PPM1B: variants seen among roughly 807,000 people sequenced by gnomAD.
PPM1B encodes protein phosphatase, Mg2+/Mn2+ dependent 1B, also known as protein phosphatase 1B.
Under a neutral mutation model 43.0 loss-of-function variants are expected in PPM1B, and 22 were observed. The ratio of observed to expected loss-of-function variants is 0.51; its 90% CI spans 0.37 to 0.73. The LOEUF is 0.73. PPM1B is among the 30% of genes least tolerant of loss of function. The pLI, the probability that PPM1B is intolerant of heterozygous loss-of-function variation, is 0.00. For synonymous variants in PPM1B, 217 were observed against 197.9 expected (o/e 1.10, Z -0.81); for missense variants, 632 against 584.2 (o/e 1.08, Z -0.84).
Position 44,223,814 on chromosome 2 carries a change from TAAAAAAAA to T in PPM1B, c.1134+5300_1134+5307del, listed in dbSNP as rs58530902. On this transcript the variant is annotated intron_variant, in intron 5 of 5. Coordinates refer to ENST00000282412, the MANE Select transcript of PPM1B (RefSeq NM_002706.6). ...CTGGGCAACAGAGTGGGACTCTGTC[TAAAAAAAA>T]AAAAAAAAAAAAAAAAAAAAAAGAG... is the stretch of plus-strand genomic sequence containing the variant. 2.5e-3 allele frequency among the ~76,000 whole-genome samples: 89 copies of T among 36,056 alleles called. 1 individual carries two copies. In the South Asian group the frequency reaches 0.025, roughly 10 times the overall value. The allele number at this position is 36,056 out of a possible 152,430, so 23.7% of individuals were successfully genotyped here.
chr2:44,240,313 T>A (rs914306785), intron 5 of PPM1B, among the ~76,000 whole-genome samples: 20 of 146,454 alleles, frequency 1.4e-4, no homozygotes, highest in African/African-American at 3.2e-4. Flanking sequence ...ACATTTACAT[T>A]TTTAATTGTA....
At chr2:44,224,991 A>T (rs886410160) in intron 5 of PPM1B, among the ~76,000 whole-genome samples, 1 of 152,200 alleles carries the variant, frequency 6.6e-6, no homozygotes, top group Non-Finnish European at 1.5e-5. Context: ...AACAGAGCGC[A>T]AAGATAGACA....
At chr2:44,243,162 C>T (rs1558439596) in intron 5 of PPM1B, among the ~76,000 whole-genome samples, 1 of 152,186 alleles carries the variant, frequency 6.6e-6, no homozygotes, top group Non-Finnish European at 1.5e-5. Context: ...GCTTTCTACT[C>T]ACTATGATTG....
downstream of PPM1B, chr2:44,233,233 A>C (rs568744147): frequency 1.1e-6 from 1 of 899,880 alleles, no homozygotes; most frequent in Non-Finnish European, 1.3e-6. Flanking sequence ...ATGTTATTTT[A>C]AAAGCTCAGA....
In PPM1B at chr2:44,230,869, A is replaced by G; in HGVS notation, c.*151A>G. The G allele has an allele frequency of 7.1e-7, 1 of 1,403,194 alleles. No individual in the cohort carries two copies. The highest frequency in any genetic ancestry group is 9.4e-7 in the Non-Finnish European group (1 of 1,067,174). 86.9% of individuals were successfully genotyped at this position (1,403,194 alleles called of 1,614,324 possible). ...CCTTGTTTTTTAAAAAGGCCTTTGC[A>G]TACACCTTTATGAGATAGTGTAAAA... On this transcript the variant is annotated 3_prime_UTR_variant, in exon 6 of 6. Transcript: ENST00000282412.
At position 44,179,370 on chromosome 2, in the gene PPM1B, A is replaced by G. The variant is rs907651506; in HGVS notation, c.-15+10096A>G. Among the ~76,000 whole-genome samples the G allele has an allele frequency of 5.3e-5, 8 of 152,178 alleles. No individual in the cohort carries two copies. In the South Asian group the frequency reaches 1.7e-3, roughly 31 times the overall value. ...CATTGTGTATTTTACACTTACAGCA[A>G]ATCTCTATTAGCATTAGCCTCATTT... On this transcript the variant is annotated intron_variant, in intron 1 of 5. Transcript: ENST00000282412.
rs566617125 is a variant in PPM1B at position 44,214,368 on chromosome 2, C to A, written c.965-3599C>A. 3.3e-5 allele frequency among the ~76,000 whole-genome samples: 5 copies of A among 152,076 alleles called. No individual in the cohort carries two copies. The South Asian group carries it at 1.0e-3, about 32-fold the overall frequency. ...ACAGGCGTGAGCCACTGCGCCCGAC[C>A]CCATAGAGTTTTTTTTTTTCTTAAA... On this transcript the variant is annotated intron_variant, in intron 3 of 5. Coordinates refer to ENST00000282412, the MANE Select transcript of PPM1B (RefSeq NM_002706.6).
intron 1 of PPM1B, among the ~76,000 whole-genome samples, chr2:44,177,129 C>T (rs1667617994): frequency 6.6e-6 from 1 of 152,204 alleles, no homozygotes; most frequent in South Asian, 2.1e-4. Flanking sequence ...TATCAAAATG[C>T]TGATATGCAA....
downstream of PPM1B, chr2:44,232,966 T>C (rs1055261941): frequency 1.0e-5 from 10 of 978,898 alleles, no homozygotes; most frequent in Non-Finnish European, 1.1e-5. Context: ...GGGAATAATA[T>C]TATAAACCCT....
At chr2:44,241,121 A>G (rs963539669) in intron 5 of PPM1B, among the ~76,000 whole-genome samples, 4 of 143,048 alleles carry the variant, frequency 2.8e-5, no homozygotes, top group Non-Finnish European at 6.2e-5. Context: ...CTCCTGCCTC[A>G]GCGTCCCAAG....
intron 1 of PPM1B, among the ~76,000 whole-genome samples, chr2:44,197,434 T>C (rs1668716845): frequency 6.6e-6 from 1 of 152,170 alleles, no homozygotes; most frequent in African/African-American, 2.4e-5. Context: ...TGTTAACTTT[T>C]TGCATTTACT....
intron 5 of PPM1B, 66 bp downstream of exon 5, chr2:44,218,603 C>T: frequency 3.8e-6 from 4 of 1,063,930 alleles, no homozygotes; most frequent in Non-Finnish European, 5.6e-6. Context: ...AATATGAATA[C>T]ATTCACATTA....
chr2:44,179,572 G>T (rs1006393941), intron 1 of PPM1B, among the ~76,000 whole-genome samples: 1 of 152,062 alleles, frequency 6.6e-6, no homozygotes, highest in African/African-American at 2.4e-5. Context: ...TTTTCCTAAT[G>T]ACAAAATCTT....
At chr2:44,237,296 A>G (rs187282550), downstream of PPM1B, among the ~76,000 whole-genome samples, 92 of 152,326 alleles carry the variant, frequency 6.0e-4, no homozygotes, top group African/African-American at 2.2e-3. Context: ...TGTATGTTAC[A>G]TTATGGTCTA....
chr2:44,199,335 A>T (rs898889074), intron 1 of PPM1B, among the ~76,000 whole-genome samples: 73 of 148,180 alleles, frequency 4.9e-4, no homozygotes, highest in African/African-American at 1.7e-3. Context: ...AAAAAAAAAA[A>T]AAATTGAGCC....
chr2:44,244,279 A>C (rs1451223172), exon 6 of PPM1B: 2 of 1,361,494 alleles, frequency 1.5e-6, no homozygotes, highest in African/African-American at 1.5e-5. Context: ...CTCTGGTGAC[A>C]AGAAAGGCAG....
intron 2 of PPM1B, among the ~76,000 whole-genome samples, chr2:44,203,007 T>A (rs1160952114): frequency 6.6e-6 from 1 of 152,170 alleles, no homozygotes; most frequent in East Asian, 1.9e-4. Context: ...TTGACTTATT[T>A]ATTCTGTCTA....
At chr2:44,225,242 G>T (rs1487265546) in intron 5 of PPM1B, among the ~76,000 whole-genome samples, 1 of 152,190 alleles carries the variant, frequency 6.6e-6, no homozygotes, top group Non-Finnish European at 1.5e-5. Context: ...ATATGAAATT[G>T]TCTTTACTCT....
chr2:44,242,504 TAAATA>T (rs1464525618), intron 5 of PPM1B, among the ~76,000 whole-genome samples: 2 of 152,202 alleles, frequency 1.3e-5, no homozygotes, highest in Non-Finnish European at 1.5e-5. Flanking sequence ...AATCTTGAGT[TAAATA>T]AAATACAGAA....
Sources: allele counts gnomAD v4.1 joint callset (sites outside exome capture counted in the v4.1 genomes callset), GRCh38; gene constraint gnomAD v4.1.1; transcripts MANE v1.5; gene names NCBI Gene and HGNC (gene_info 2026-07-23, HGNC 2026-07-21).